CEP135: variants seen among roughly 807,000 people sequenced by gnomAD.
The protein encoded by CEP135 is centrosomal protein of 135 kDa.
Under a neutral mutation model 157.3 loss-of-function variants are expected in CEP135, and 142 were observed. The ratio of observed to expected loss-of-function variants is 0.90; its 90% CI spans 0.79 to 1.04. The LOEUF (loss-of-function observed/expected upper bound fraction) is 1.04. Among genes scored for constraint, CEP135 ranks in the 50% least tolerant of loss-of-function variants. The pLI is 0.00. For missense variants in CEP135, 1,317 were observed against 1,309.2 expected (o/e 1.01, Z -0.09); for synonymous variants, 396 against 439.8 (o/e 0.90, Z 1.25).
chr4:56,020,614 C>A, intron 23 of CEP135, 62 bp from the exon 24 acceptor site: 3 of 1,332,766 alleles, frequency 2.3e-6, no homozygotes, highest in South Asian at 1.3e-5. Context: ...TTTAAAAAAC[C>A]CACAGCACCT....
In CEP135 at chr4:55,952,165, T is replaced by C. The variant is rs1431612931; in HGVS notation, c.35T>C (p.Ile12Thr). 6.2e-7 allele frequency: 1 copy of C among 1,612,424 alleles called. No individual in the cohort carries two copies. The highest frequency in any genetic ancestry group is 1.1e-5 in the South Asian group (1 of 91,018). The change falls in exon 2 of 26, where the codon ATT (isoleucine) becomes ACT (threonine). Residue 12 changes from isoleucine to threonine, a missense_variant. Coordinates refer to ENST00000257287, the MANE Select transcript of CEP135 (RefSeq NM_025009.5). ...TTAVERKYIN[I>T]RKRLDQLGYR... is the part of the protein sequence containing the mutation. ...GCTGTAGAGAGAAAGTATATTAATATTAGGAAAAGGCTGGATCAGCTGGGA... is the reference window on the plus strand; with the variant it reads ...GCTGTAGAGAGAAAGTATATTAATACTAGGAAAAGGCTGGATCAGCTGGGA...
intron 8 of CEP135, among the ~76,000 whole-genome samples, chr4:55,967,508 G>A (rs900353639): frequency 1.3e-5 from 2 of 152,096 alleles, no homozygotes; most frequent in African/African-American, 4.8e-5. Flanking sequence ...ATAAAAGGGA[G>A]GGTAGGAATG....
Position 55,968,844 on chromosome 4 carries a change from T to C in CEP135, c.1045-219T>C, listed in dbSNP as rs79784255. ...CCTACAAGATGCTCAAGTGGCCTTCTTCAGATGTTACAAGTAGGCTCCTGT... is the reference window on the plus strand; with the variant it reads ...CCTACAAGATGCTCAAGTGGCCTTCCTCAGATGTTACAAGTAGGCTCCTGT... On this transcript the variant is annotated intron_variant, in intron 8 of 25. Coordinates refer to ENST00000257287, the MANE Select transcript of CEP135 (RefSeq NM_025009.5). 2.4e-3 allele frequency among the ~76,000 whole-genome samples: 363 copies of C among 152,258 alleles called. 1 individual carries two copies. The highest frequency in any genetic ancestry group is 8.2e-3 in the African/African-American group (342 of 41,554).
chr4:56,017,740 T>A lies in CEP135; in HGVS notation c.2895T>A (p.Asp965Glu). Residue 965 changes from aspartate to glutamate, a missense_variant, in exon 22 of 26, where the codon GAT becomes GAA. Asp to Glu is a conservative substitution (Grantham distance 45). Transcript: ENST00000257287. ...AAGAAGAGCTGAGACATCAAGAAGATGAGAAAGCAACAGTATTAAATGACT... is the reference window on the plus strand; with the variant it reads ...AAGAAGAGCTGAGACATCAAGAAGAAGAGAAAGCAACAGTATTAAATGACT... ...RLEEELRHQEDEKATVLNDLS... is the reference protein window; with the variant it reads ...RLEEELRHQEEEKATVLNDLS... 6.2e-7 allele frequency: 1 copy of A among 1,613,914 alleles called. No homozygotes were observed. The highest frequency in any genetic ancestry group is 8.5e-7 in the Non-Finnish European group (1 of 1,179,928).
intron 25 of CEP135, among the ~76,000 whole-genome samples, chr4:56,026,584 T>C (rs534466080): frequency 2.0e-5 from 3 of 152,326 alleles, no homozygotes; most frequent in East Asian, 1.9e-4. Flanking sequence ...TACTCCTCCT[T>C]CTGTTCATAA....
At position 55,954,230 on chromosome 4, in the gene CEP135, T is replaced by C. The variant is rs762719893; in HGVS notation, c.319T>C (p.Leu107=). The change falls in exon 4 of 26, where the codon TTG becomes CTG. Residue 107 remains leucine (L), a synonymous_variant. Transcript: ENST00000257287. The part of the protein sequence containing the change: ...DQHVKELKTS[L]KKCARETADL... ...TTCATTTTAAGAGTTGAAAACTTCA[T>C]TGAAGAAATGTGCACGTGAAACAGC... is the stretch of plus-strand genomic sequence containing the variant. The C allele has an allele frequency of 1.9e-6, 3 of 1,586,816 alleles. No homozygotes were observed. The highest frequency in any genetic ancestry group is 1.2e-5 in the South Asian group (1 of 85,012).
chr4:55,999,717 G>A (rs767244530), intron 17 of CEP135, 72 bp downstream of exon 17: 1 of 1,457,990 alleles, frequency 6.9e-7, no homozygotes, highest in South Asian at 1.4e-5. Context: ...TTTTGAGATG[G>A]GGTCTCACTC....
intron 2 of CEP135, among the ~76,000 whole-genome samples, chr4:55,952,862 C>A (rs1237180945): frequency 1.3e-5 from 2 of 152,096 alleles, no homozygotes; most frequent in African/African-American, 4.8e-5. Flanking sequence ...TTGTGTTGTG[C>A]TACAGTGTTA....
chr4:55,957,827 A>G (rs745352181), intron 5 of CEP135, among the ~76,000 whole-genome samples: 1 of 152,180 alleles, frequency 6.6e-6, no homozygotes, highest in Non-Finnish European at 1.5e-5. Context: ...TTTGATTGAA[A>G]TGTTATTAAA....
chr4:56,009,315 C>T (rs1279226592), intron 18 of CEP135, among the ~76,000 whole-genome samples: 4 of 152,156 alleles, frequency 2.6e-5, no homozygotes, highest in Non-Finnish European at 4.4e-5. Flanking sequence ...TGCCCGCCAC[C>T]ACACCCGGCT....
chr4:56,011,839 C>T lies in CEP135; in HGVS notation c.2656C>T (p.Leu886Phe), dbSNP rs1730594334. Residue 886 changes from leucine to phenylalanine, a missense_variant, in exon 21 of 26, where the codon CTT becomes TTT. Physicochemically the swap from Leu to Phe is conservative, Grantham distance 22. Coordinates refer to ENST00000257287, the MANE Select transcript of CEP135 (RefSeq NM_025009.5). ...NQDLLDRFQM[L>F]HNRAEDWEVK... The stretch of plus-strand genomic sequence containing the variant: ...AGATTTGTTAGATAGATTTCAGATG[C>T]TTCATAACCGTGCTGAAGACTGGGA... The T allele has an allele frequency of 3.1e-6, 5 of 1,595,638 alleles. No individual in the cohort carries two copies. The highest frequency in any genetic ancestry group is 4.3e-6 in the Non-Finnish European group (5 of 1,174,098).
In CEP135 at chr4:55,974,982, T is replaced by C. The variant is rs766689952; in HGVS notation, c.1473+13T>C. On this transcript the variant is annotated intron_variant, in intron 11 of 25. Transcript: ENST00000257287. Reference sequence around the variant, plus strand: ...AACACCAGAAAAGGTAATGTCCCTTTATAAGAGTAGGCCAGAAAGTATCTT... The same window carrying C: ...AACACCAGAAAAGGTAATGTCCCTTCATAAGAGTAGGCCAGAAAGTATCTT... 4.4e-5 allele frequency: 68 copies of C among 1,555,398 alleles called. No homozygotes were observed. Among genetic ancestry groups the C allele is most frequent in the Middle Eastern group, 2.2e-4 (1 of 4,512 alleles).
chr4:56,012,051 A>C lies in CEP135; in HGVS notation c.2802+66A>C, dbSNP rs1730606060. The C allele has an allele frequency of 2.2e-6, 2 of 903,664 alleles. 1 individual carries two copies. The highest frequency in any genetic ancestry group is 6.9e-5 in the South Asian group (2 of 28,784). 56.0% of individuals were successfully genotyped at this position (903,664 alleles called of 1,614,324 possible). On this transcript the variant is annotated intron_variant, in intron 21 of 25. Coordinates refer to ENST00000257287, the MANE Select transcript of CEP135 (RefSeq NM_025009.5). ...AACAGAAAACATTCAAAGATACTTT[A>C]TTTATTTATTTATTTATTTTTTTTG... is the stretch of plus-strand genomic sequence containing the variant.
At position 55,992,011 on chromosome 4, in the gene CEP135, A is replaced by C; in HGVS notation, c.1935A>C (p.Leu645Phe). 6.2e-7 allele frequency: 1 copy of C among 1,608,650 alleles called. No individual in the cohort carries two copies. Among genetic ancestry groups the C allele is most frequent in the Non-Finnish European group, 8.5e-7 (1 of 1,177,310 alleles). Residue 645 changes from leucine (L) to phenylalanine (F), a missense_variant, in exon 15 of 26, where the codon TTA becomes TTC. Leu to Phe is a conservative substitution (Grantham distance 22, BLOSUM62 0). Transcript: ENST00000257287. ...CAATAGAGTCGTTAGAGAACAAATTAAAAGTCCAAGCTCAAAAATTTAGCC... is the reference window on the plus strand; with the variant it reads ...CAATAGAGTCGTTAGAGAACAAATTCAAAGTCCAAGCTCAAAAATTTAGCC... The part of the protein sequence containing the change: ...KETIESLENK[L>F]KVQAQKFSHV...
chr4:56,008,449 C>A, intron 18 of CEP135, 67 bp downstream of exon 18: 1 of 1,205,906 alleles, frequency 8.3e-7, no homozygotes. Flanking sequence ...TTTATCTATT[C>A]AGTAGCATTG....
chr4:56,002,836 G>A lies in CEP135; in HGVS notation c.2280+3191G>A, dbSNP rs897759159. On this transcript the variant is annotated intron_variant, in intron 17 of 25. Coordinates refer to ENST00000257287, the MANE Select transcript of CEP135 (RefSeq NM_025009.5). ...TTCTTTAGATGTTCAGTAGAGTTCA[G>A]CAGTGAAGCCATTAGGTCCTGGACT... Among the ~76,000 whole-genome samples the A allele has an allele frequency of 2.6e-5, 4 of 152,124 alleles. No individual in the cohort carries two copies. The South Asian group carries it at 8.3e-4, about 31-fold the overall frequency.
At position 55,999,593 on chromosome 4, in the gene CEP135, T is replaced by G; in HGVS notation, c.2228T>G (p.Val743Gly). 1 of 1,608,380 alleles carries G rather than the reference T, an allele frequency of 6.2e-7. No individual in the cohort carries two copies. Among genetic ancestry groups the G allele is most frequent in the Non-Finnish European group, 8.5e-7 (1 of 1,178,866 alleles). Residue 743 changes from valine to glycine, a missense_variant, in exon 17 of 26, where the codon GTA (valine) becomes GGA (glycine). Physicochemically the swap from Val to Gly is moderately radical, Grantham distance 109 (BLOSUM62 -3). Transcript: ENST00000257287. Reference protein sequence around the residue: ...DKEKDFLQETVDEKTEKIANL... With the variant: ...DKEKDFLQETGDEKTEKIANL... ...GAAAAAGACTTTCTCCAGGAGACTG[T>G]AGATGAGAAGACAGAAAAGATTGCA...
chr4:55,959,706 CCACCAGCTACAAGAAAAGTTAG>C lies in CEP135; in HGVS notation c.642_663del (p.His214GlnfsTer2), dbSNP rs929841020. 9 of 1,613,930 alleles carry C rather than the reference CCACCAGCTACAAGAAAAGTTAG, an allele frequency of 5.6e-6. No individual in the cohort carries two copies. Among genetic ancestry groups the C allele is most frequent in the Non-Finnish European group, 7.6e-6 (9 of 1,179,916 alleles). On this transcript the variant is annotated frameshift_variant, in exon 6 of 26. Transcript: ENST00000257287. LOFTEE classifies it high-confidence loss of function. ...GGATTCAAGAACTTCAACAGGAAGT[CCACCAGCTACAAGAAAAGTTAG>C]CAATGATGGAAAGTGGGGTGAGAGA...
At chr4:55,977,798 G>A (rs1729271418) in intron 11 of CEP135, among the ~76,000 whole-genome samples, 1 of 152,134 alleles carries the variant, frequency 6.6e-6, no homozygotes, top group African/African-American at 2.4e-5. Flanking sequence ...CTGAAACTAT[G>A]CCCTTTGATC....
Sources: gnomAD v4.1 joint callset for allele counts (sites outside exome capture counted in the v4.1 genomes callset) on GRCh38, gnomAD v4.1.1 for gene constraint, MANE v1.5 for transcripts, NCBI Gene and HGNC (gene_info 2026-07-23, HGNC 2026-07-21) for gene names.